AKAP6: variants seen among roughly 807,000 people sequenced by gnomAD.
The protein encoded by AKAP6 is A-kinase anchor protein 6.
Under a neutral mutation model 188.5 loss-of-function variants are expected in AKAP6, and 58 were observed. That is an observed-to-expected ratio of 0.31 (90% CI 0.25 to 0.38). The LOEUF is 0.38. Ranked by LOEUF, AKAP6 falls within the 10% of genes least tolerant of loss-of-function variation. The pLI, the probability that AKAP6 is intolerant of heterozygous loss-of-function variation, is 1.00. For missense variants in AKAP6, 2,710 were observed against 2,740.0 expected (o/e 0.99, Z 0.24); for synonymous variants, 989 against 998.6 (o/e 0.99, Z 0.18).
At chr14:32,756,738 G>T (rs1053216662) in intron 11 of AKAP6, among the ~76,000 whole-genome samples, 5 of 152,152 alleles carry the variant, frequency 3.3e-5, no homozygotes, top group African/African-American at 1.2e-4. Context: ...TGGTTCCCCA[G>T]TAGCTGTCCT....
chr14:32,482,099 C>A (rs1162765477), intron 2 of AKAP6, among the ~76,000 whole-genome samples: 1 of 152,082 alleles, frequency 6.6e-6, no homozygotes, highest in Non-Finnish European at 1.5e-5. Context: ...TCCTTCCTTC[C>A]CCTTGCTTAG....
At position 32,547,042 on chromosome 14, in the gene AKAP6, T is replaced by C. The variant is rs771021871; in HGVS notation, c.2346+43T>C. ...ACATGAATGATTTCTCACTTGAGTT[T>C]TGGAAGTATTGCTGGGAGAAGGTCA... is the stretch of plus-strand genomic sequence containing the variant. On this transcript the variant is annotated intron_variant, in intron 4 of 13. Coordinates refer to ENST00000280979, the MANE Select transcript of AKAP6 (RefSeq NM_004274.5). The C allele has an allele frequency of 5.9e-6, 9 of 1,529,366 alleles. No individual in the cohort carries two copies. The African/African-American group carries it at 1.2e-4, about 21-fold the overall frequency. 94.7% of individuals were successfully genotyped at this position (1,529,366 alleles called of 1,614,324 possible). A position where few individuals can be genotyped will look rare whatever the true frequency, so the allele number is the denominator to read the frequency against.
At chr14:32,574,334 CTTGTT>C (rs1198616548) in intron 4 of AKAP6, among the ~76,000 whole-genome samples, 1 of 152,122 alleles carries the variant, frequency 6.6e-6, no homozygotes, top group Non-Finnish European at 1.5e-5. Flanking sequence ...ATCAGACAGC[CTTGTT>C]TTGCTATCTG....
At chr14:32,518,341 G>A (rs961164815) in intron 2 of AKAP6, among the ~76,000 whole-genome samples, 2 of 152,206 alleles carry the variant, frequency 1.3e-5, no homozygotes, top group Non-Finnish European at 2.9e-5. Context: ...GCTGGATGGG[G>A]AATGACTTTG....
intron 5 of AKAP6, among the ~76,000 whole-genome samples, chr14:32,579,273 G>C (rs1233997063): frequency 2.6e-5 from 4 of 152,062 alleles, no homozygotes; most frequent in Non-Finnish European, 5.9e-5. Context: ...CCAGTATAAA[G>C]ATCCACAGCA....
At chr14:32,404,460 T>C (rs902062753) in intron 1 of AKAP6, among the ~76,000 whole-genome samples, 1 of 151,404 alleles carries the variant, frequency 6.6e-6, no homozygotes, top group Non-Finnish European at 1.5e-5. Context: ...GGGTGTTTTT[T>C]AGAAGGCTGT....
intron 8 of AKAP6, among the ~76,000 whole-genome samples, chr14:32,682,063 A>G (rs1267343595): frequency 1.3e-5 from 2 of 152,172 alleles, no homozygotes; most frequent in African/African-American, 2.4e-5. Context: ...GTCAAGTTAG[A>G]AATATGTGTA....
At chr14:32,582,991 T>C (rs1293807256) in intron 5 of AKAP6, among the ~76,000 whole-genome samples, 1 of 152,262 alleles carries the variant, frequency 6.6e-6, no homozygotes, top group Non-Finnish European at 1.5e-5. Context: ...TCTCAACTTG[T>C]GAAAGTCATT....
At chr14:32,765,562 G>A (rs1312983843) in intron 11 of AKAP6, among the ~76,000 whole-genome samples, 1 of 151,998 alleles carries the variant, frequency 6.6e-6, no homozygotes, top group Non-Finnish European at 1.5e-5. Context: ...TCTAGGAGTA[G>A]GACAGCTATA....
intron 7 of AKAP6, among the ~76,000 whole-genome samples, chr14:32,637,084 C>T (rs148391031): frequency 1.2e-4 from 18 of 152,086 alleles, no homozygotes; most frequent in East Asian, 9.7e-4. Context: ...TTATAATTTC[C>T]GTATCTGTAA....
Position 32,836,578 on chromosome 14 carries a change from G to T in AKAP6, c.*6773G>T, listed in dbSNP as rs1485434833. 1.3e-5 allele frequency: 2 copies of T among 152,036 alleles called. No homozygotes were observed. Among genetic ancestry groups the T allele is most frequent in the African/African-American group, 4.8e-5 (2 of 41,396 alleles). 9.4% of individuals were successfully genotyped at this position (152,036 alleles called of 1,614,324 possible). ...CTCTGCCCCATTCTCTCCTACTCAA[G>T]CAGAGTATCTTAAGGCAGCAGATTG... On this transcript the variant is annotated 3_prime_UTR_variant, in exon 14 of 14. Transcript: ENST00000280979.
At chr14:32,709,313 C>T (rs1006211579) in intron 9 of AKAP6, among the ~76,000 whole-genome samples, 1 of 142,620 alleles carries the variant, frequency 7.0e-6, no homozygotes, top group Admixed American at 7.0e-5. Flanking sequence ...TGGAGCACAA[C>T]GATTTTTTTT....
At chr14:32,751,645 C>T (rs2032145445) in intron 11 of AKAP6, among the ~76,000 whole-genome samples, 1 of 151,172 alleles carries the variant, frequency 6.6e-6, no homozygotes, top group Non-Finnish European at 1.5e-5. Flanking sequence ...CTGCTCTGCG[C>T]ATATTGAATC....
chr14:32,715,858 T>A (rs896813258), intron 9 of AKAP6, among the ~76,000 whole-genome samples: 1 of 151,834 alleles, frequency 6.6e-6, no homozygotes, highest in Non-Finnish European at 1.5e-5. Context: ...ATTAGTGGCA[T>A]AAAAGAGATG....
intron 1 of AKAP6, among the ~76,000 whole-genome samples, chr14:32,366,121 C>T (rs373954293): frequency 3.2e-4 from 49 of 152,128 alleles, no homozygotes; most frequent in African/African-American, 1.1e-3. Flanking sequence ...ACCCTCCCCC[C>T]ACTACCATTT....
At chr14:32,676,082 G>A (rs1386045935) in intron 7 of AKAP6, among the ~76,000 whole-genome samples, 5 of 152,102 alleles carry the variant, frequency 3.3e-5, no homozygotes, top group Non-Finnish European at 5.9e-5. Context: ...TATCAAACAC[G>A]TCCCTTGGTA....
chr14:32,578,154 C>A (rs10141512), intron 5 of AKAP6, among the ~76,000 whole-genome samples: 1 of 151,858 alleles, frequency 6.6e-6, no homozygotes. Flanking sequence ...TACCTGTATG[C>A]GAGTTCACAG....
At chr14:32,762,137 A>G (rs992160464) in intron 11 of AKAP6, among the ~76,000 whole-genome samples, 9 of 152,074 alleles carry the variant, frequency 5.9e-5, no homozygotes, top group African/African-American at 1.7e-4. Context: ...TTTTCCCCCT[A>G]CTACTAAAAG....
intron 1 of AKAP6, among the ~76,000 whole-genome samples, chr14:32,394,412 G>A (rs576010980): frequency 1.3e-5 from 2 of 152,292 alleles, no homozygotes; most frequent in East Asian, 1.9e-4. Context: ...GAGCCATAGG[G>A]TGGAGTAGAG....
Sources: gnomAD v4.1 joint callset for allele counts (sites outside exome capture counted in the v4.1 genomes callset) on GRCh38, gnomAD v4.1.1 for gene constraint, MANE v1.5 for transcripts, NCBI Gene and HGNC (gene_info 2026-07-23, HGNC 2026-07-21) for gene names.